Variants in ZNF730 observed in about 807,000 individuals in gnomAD.
The protein encoded by ZNF730 is putative zinc finger protein 730.
In ZNF730, 12 loss-of-function variants were observed where a neutral mutation model predicts 12.6. The observed-to-expected ratio is 0.95, with a 90% CI of 0.61 to 1.54. The LOEUF (loss-of-function observed/expected upper bound fraction) is 1.54, where lower values mean the gene tolerates loss of function less well. Ranked by LOEUF, ZNF730 falls within the 40% of genes most tolerant of loss-of-function variation. ZNF730 has a pLI of 0.00. For missense variants in ZNF730, 643 were observed against 583.5 expected, an observed-to-expected ratio of 1.10 and a Z score of -1.05; for synonymous variants, 194 against 195.8, an observed-to-expected ratio of 0.99 and a Z score of 0.08.
At chr19:23,114,300 C>CTTTTTTTTTTTTTTTTTTTT (rs11413226), upstream of ZNF730, among the ~76,000 whole-genome samples, 3 of 119,520 alleles carry the variant, frequency 2.5e-5, 1 homozygote, top group African/African-American at 1.0e-4. Flanking sequence ...TTTTCTTTTT[C>CTTTTTTTTTTTTTTTTTTTT]TTTTCTTTTT....
chr19:23,089,337 T>C (rs1970117995), intron 1 of ZNF730, among the ~76,000 whole-genome samples: 1 of 152,112 alleles, frequency 6.6e-6, no homozygotes, highest in African/African-American at 2.4e-5. Context: ...CCCAAGTAGC[T>C]GGGACTACAG....
chr19:23,142,832 T>C (rs1406346455), intron 3 of ZNF730, among the ~76,000 whole-genome samples: 2 of 152,156 alleles, frequency 1.3e-5, no homozygotes, highest in Non-Finnish European at 2.9e-5. Context: ...TCTTTTTGTC[T>C]TTCTTTGTGT....
At chr19:23,101,640 G>A (rs1296667782) in intron 1 of ZNF730, among the ~76,000 whole-genome samples, 4 of 146,982 alleles carry the variant, frequency 2.7e-5, no homozygotes, top group South Asian at 2.1e-4. Context: ...TGCAATCTCC[G>A]CTCACTGCAA....
intron 3 of ZNF730, among the ~76,000 whole-genome samples, chr19:23,137,182 T>G (rs1970846804): frequency 6.6e-6 from 1 of 152,108 alleles, no homozygotes; most frequent in South Asian, 2.1e-4. Flanking sequence ...AAATAAAAAT[T>G]AAAAATAAGG....
At chr19:23,100,519 C>G (rs777325874) in intron 1 of ZNF730, among the ~76,000 whole-genome samples, 1 of 152,092 alleles carries the variant, frequency 6.6e-6, no homozygotes, top group Non-Finnish European at 1.5e-5. Flanking sequence ...TTGTCACCCT[C>G]ACACATGGAC....
intron 1 of ZNF730, among the ~76,000 whole-genome samples, chr19:23,086,460 T>C (rs947133177): frequency 1.3e-5 from 2 of 152,244 alleles, no homozygotes; most frequent in African/African-American, 4.8e-5. Flanking sequence ...TTGTAATCCA[T>C]CTTGAGTTAG....
In ZNF730 at chr19:23,103,945, C is replaced by T. The variant is rs559723360; in HGVS notation, c.-94+28558C>T. ...AGATGGTTTATATTAAACTATAGAA[C>T]TTTCACAGGTGCTTTCAAATACAGG... is the stretch of plus-strand genomic sequence containing the variant. On this transcript the variant is annotated intron_variant, in intron 1 of 2. Transcript: ENST00000593635. 4.6e-5 allele frequency among the ~76,000 whole-genome samples: 7 copies of T among 152,176 alleles called. No individual in the cohort carries two copies. In the East Asian group the frequency reaches 1.3e-3, roughly 29 times the overall value.
intron 3 of ZNF730, among the ~76,000 whole-genome samples, chr19:23,137,592 C>T (rs1439375283): frequency 2.6e-5 from 4 of 152,220 alleles, no homozygotes; most frequent in African/African-American, 7.2e-5. Context: ...TTTTCTGCCA[C>T]GTACCTTCAG....
At chr19:23,091,367 A>G (rs887864766) in intron 1 of ZNF730, among the ~76,000 whole-genome samples, 1 of 152,222 alleles carries the variant, frequency 6.6e-6, no homozygotes, top group Admixed American at 6.5e-5. Flanking sequence ...CAGAGCCCCC[A>G]CACAGTCCCT....
chr19:23,093,195 C>T (rs758054736), intron 1 of ZNF730, among the ~76,000 whole-genome samples: 18 of 152,156 alleles, frequency 1.2e-4, no homozygotes, highest in African/African-American at 1.9e-4. Context: ...AGGCTGTTCT[C>T]GAACTCCTGA....
At chr19:23,116,383 TTC>T (rs913004285), upstream of ZNF730, among the ~76,000 whole-genome samples, 2 of 147,944 alleles carry the variant, frequency 1.4e-5, no homozygotes, top group African/African-American at 2.5e-5. Flanking sequence ...TTCTTTCTTT[TTC>T]TCTCTCTCTT....
At chr19:23,118,507 GATT>G (rs1167369341) in intron 1 of ZNF730, among the ~76,000 whole-genome samples, 2 of 152,002 alleles carry the variant, frequency 1.3e-5, no homozygotes, top group Non-Finnish European at 2.9e-5. Context: ...AGTGTTTGAT[GATT>G]ATTAGCTTCT....
At chr19:23,093,334 C>T (rs192377743) in intron 1 of ZNF730, among the ~76,000 whole-genome samples, 12 of 152,290 alleles carry the variant, frequency 7.9e-5, no homozygotes, top group Admixed American at 7.8e-4. Context: ...CTTTTTACAT[C>T]TGGTGGAATT....
In ZNF730 at chr19:23,146,202, T is replaced by C; in HGVS notation, c.1158T>C (p.His386=). The change falls in exon 4 of 4, where the codon CAT becomes CAC. Residue 386 remains histidine (H), a synonymous_variant. Coordinates refer to ENST00000597761, the MANE Select transcript of ZNF730 (RefSeq NM_001277403.2). ...ACCAATCCTCAACTCTTACTATACA[T>C]AAGATAATTCATACTGTAGAGAAAT... The part of the protein sequence containing the change: ...AFNQSSTLTI[H]KIIHTVEKFY... The C allele has an allele frequency of 6.2e-7, 1 of 1,610,388 alleles. No homozygotes were observed. The highest frequency in any genetic ancestry group is 8.5e-7 in the Non-Finnish European group (1 of 1,177,976).
chr19:23,106,895 CTGTATTCT>C (rs1970398359), intron 1 of ZNF730, among the ~76,000 whole-genome samples: 1 of 151,046 alleles, frequency 6.6e-6, no homozygotes, highest in South Asian at 2.1e-4. Context: ...TATACACAAA[CTGTATTCT>C]TGTTGTTTTT....
intron 1 of ZNF730, among the ~76,000 whole-genome samples, chr19:23,120,992 T>C (rs1970591706): frequency 6.6e-6 from 1 of 152,242 alleles, no homozygotes; most frequent in South Asian, 2.1e-4. Context: ...TTAATTTCCA[T>C]GTAATTGTAT....
chr19:23,143,538 T>A (rs988575411), intron 3 of ZNF730: 2 of 152,248 alleles, frequency 1.3e-5, no homozygotes, highest in African/African-American at 4.8e-5. Context: ...TTTGATTATA[T>A]GGTATTTTCT....
rs150788572 is a variant in ZNF730, at chr19:23,138,832, C to G, written c.226+2789C>G. Among the ~76,000 whole-genome samples, 16 of 152,208 alleles carry G rather than the reference C, an allele frequency of 1.1e-4. No homozygotes were observed. The East Asian group carries it at 3.1e-3, about 29-fold the overall frequency. On this transcript the variant is annotated intron_variant, in intron 3 of 3. Coordinates refer to ENST00000597761, the MANE Select transcript of ZNF730 (RefSeq NM_001277403.2). ...TCTTCAGCCTTAATGTACCATGTAGCTGTCATTACAGGTTTGAGCCATGAT... is the reference window on the plus strand; with the variant it reads ...TCTTCAGCCTTAATGTACCATGTAGGTGTCATTACAGGTTTGAGCCATGAT...
chr19:23,097,620 T>A (rs1023273267), intron 1 of ZNF730, among the ~76,000 whole-genome samples: 8 of 152,148 alleles, frequency 5.3e-5, no homozygotes, highest in African/African-American at 1.9e-4. Context: ...AACTATTTGA[T>A]AAAGCTCTCC....
Sources: allele counts gnomAD v4.1 joint callset (sites outside exome capture counted in the v4.1 genomes callset), GRCh38; gene constraint gnomAD v4.1.1; transcripts MANE v1.5; gene names NCBI Gene and HGNC (gene_info 2026-07-23, HGNC 2026-07-21).